Variants in HS6ST3 observed in about 807,000 individuals in gnomAD.
HS6ST3 encodes the protein heparan-sulfate 6-O-sulfotransferase 3.
Under a neutral mutation model 36.7 loss-of-function variants are expected in HS6ST3, and 12 were observed. The ratio of observed to expected loss-of-function variants is 0.33; its 90% CI spans 0.21 to 0.53. HS6ST3 has a LOEUF of 0.53. Ranked by LOEUF, HS6ST3 falls within the 20% of genes least tolerant of loss-of-function variation. HS6ST3 has a pLI of 0.95. For missense variants in HS6ST3, 584 were observed against 640.9 expected, an observed-to-expected ratio of 0.91 and a Z score of 0.96; for synonymous variants, 240 against 257.5, an observed-to-expected ratio of 0.93 and a Z score of 0.65.
At chr13:96,105,984 C>T (rs979207211) in intron 1 of HS6ST3, among the ~76,000 whole-genome samples, 1 of 152,066 alleles carries the variant, frequency 6.6e-6, no homozygotes, top group Non-Finnish European at 1.5e-5. Context: ...CAGTAATGAA[C>T]AAGGCAGGCA....
chr13:96,124,855 A>G (rs1199312638), intron 1 of HS6ST3, among the ~76,000 whole-genome samples: 1 of 152,232 alleles, frequency 6.6e-6, no homozygotes, highest in African/African-American at 2.4e-5. Flanking sequence ...TAGACGTTTA[A>G]GGTATGGTAT....
intron 1 of HS6ST3, among the ~76,000 whole-genome samples, chr13:96,150,912 A>G (rs1013535493): frequency 1.3e-5 from 2 of 152,226 alleles, no homozygotes; most frequent in African/African-American, 4.8e-5. Flanking sequence ...GTGAATAAAC[A>G]TATATGTCTA....
chr13:96,398,143 G>A (rs1316321328), intron 1 of HS6ST3, among the ~76,000 whole-genome samples: 6 of 152,090 alleles, frequency 3.9e-5, no homozygotes, highest in Non-Finnish European at 7.4e-5. Context: ...ATATAATAAT[G>A]TGTGCAAAGC....
At chr13:96,200,728 G>A (rs565766499) in intron 1 of HS6ST3, among the ~76,000 whole-genome samples, 1 of 152,290 alleles carries the variant, frequency 6.6e-6, no homozygotes, top group African/African-American at 2.4e-5. Flanking sequence ...CAGGTACCTA[G>A]AACAATGCCC....
chr13:96,815,928 C>A (rs1404833971), intron 1 of HS6ST3, among the ~76,000 whole-genome samples: 1 of 152,200 alleles, frequency 6.6e-6, no homozygotes, highest in Non-Finnish European at 1.5e-5. Context: ...AATGCCTGTC[C>A]ATCTCCTTCA....
chr13:96,122,925 A>T (rs896276833), intron 1 of HS6ST3, among the ~76,000 whole-genome samples: 25 of 151,826 alleles, frequency 1.6e-4, no homozygotes, highest in African/African-American at 5.8e-4. Context: ...TTTTGTCTGT[A>T]TTTTTTTTGG....
intron 1 of HS6ST3, among the ~76,000 whole-genome samples, chr13:96,722,780 T>C (rs1875880916): frequency 6.6e-6 from 1 of 152,110 alleles, no homozygotes; most frequent in African/African-American, 2.4e-5. Flanking sequence ...AGTTCAAGAC[T>C]AGTCTCAGCA....
At chr13:96,198,729 C>G (rs1354208678) in intron 1 of HS6ST3, among the ~76,000 whole-genome samples, 1 of 152,188 alleles carries the variant, frequency 6.6e-6, no homozygotes, top group Admixed American at 6.5e-5. Flanking sequence ...GTCCATATTG[C>G]TATCAGCATT....
intron 1 of HS6ST3, among the ~76,000 whole-genome samples, chr13:96,571,718 A>G (rs2056301669): frequency 6.6e-6 from 1 of 152,174 alleles, no homozygotes; most frequent in Non-Finnish European, 1.5e-5. Flanking sequence ...TTTCCTTGAC[A>G]TTATAATGGT....
intron 1 of HS6ST3, among the ~76,000 whole-genome samples, chr13:96,223,675 G>A (rs932769840): frequency 2.2e-4 from 34 of 151,880 alleles, no homozygotes; most frequent in Middle Eastern, 3.2e-3. Flanking sequence ...AGTTTTTGTC[G>A]TTTTTTATTT....
chr13:96,450,189 C>A (rs1415391927), intron 1 of HS6ST3, among the ~76,000 whole-genome samples: 2 of 152,096 alleles, frequency 1.3e-5, no homozygotes, highest in Non-Finnish European at 2.9e-5. Flanking sequence ...ATGGGTAGTT[C>A]TTATAAATGA....
chr13:96,299,552 T>C (rs777070133), intron 1 of HS6ST3, among the ~76,000 whole-genome samples: 4 of 152,066 alleles, frequency 2.6e-5, no homozygotes, highest in Non-Finnish European at 4.4e-5. Context: ...AAAAGCACAA[T>C]AGCATGAGAG....
At chr13:96,274,839 TCACACACACACACA>T (rs60430769) in intron 1 of HS6ST3, among the ~76,000 whole-genome samples, 3,792 of 126,124 alleles carry the variant, frequency 0.03, 68 homozygotes, top group Middle Eastern at 0.047. Context: ...ACTTAGTCCT[TCACACACACACACA>T]CACACACACA....
chr13:96,256,355 TC>T (rs1222766094), intron 1 of HS6ST3, among the ~76,000 whole-genome samples: 1 of 152,216 alleles, frequency 6.6e-6, no homozygotes, highest in Non-Finnish European at 1.5e-5. Context: ...TTCAACAGTG[TC>T]CGATTTATTA....
At chr13:96,732,093 A>G (rs1019721799) in intron 1 of HS6ST3, among the ~76,000 whole-genome samples, 2 of 152,170 alleles carry the variant, frequency 1.3e-5, no homozygotes, top group African/African-American at 2.4e-5. Context: ...TTTTGAAAAT[A>G]TCCATTCTAA....
rs17686530 is a variant in HS6ST3 at position 96,401,300 on chromosome 13, C to T, written c.707+309731C>T. ...GAAACTGTGTCCAGCCCTCTACACCCTTCAAGTTGATGTCAATACAAACTT... is the reference window on the plus strand; with the variant it reads ...GAAACTGTGTCCAGCCCTCTACACCTTTCAAGTTGATGTCAATACAAACTT... On this transcript the variant is annotated intron_variant, in intron 1 of 1. Transcript: ENST00000376705. Among the ~76,000 whole-genome samples the T allele has an allele frequency of 9.2e-3, 1,392 of 151,594 alleles. 9 individuals are homozygous for T. The highest frequency in any genetic ancestry group is 0.015 in the Non-Finnish European group (1,037 of 67,926).
intron 1 of HS6ST3, among the ~76,000 whole-genome samples, chr13:96,229,884 G>T (rs1467723355): frequency 6.6e-6 from 1 of 152,176 alleles, no homozygotes; most frequent in South Asian, 2.1e-4. Context: ...TGCTTGGAAG[G>T]TTAGGGCAAG....
At chr13:96,328,102 G>A (rs1467123097) in intron 1 of HS6ST3, among the ~76,000 whole-genome samples, 1 of 144,816 alleles carries the variant, frequency 6.9e-6, no homozygotes, top group Non-Finnish European at 1.5e-5. Context: ...GGGTTTTCTA[G>A]ATATACAATC....
intron 1 of HS6ST3, among the ~76,000 whole-genome samples, chr13:96,430,038 A>G (rs1458989687): frequency 6.6e-6 from 1 of 152,198 alleles, no homozygotes; most frequent in African/African-American, 2.4e-5. Flanking sequence ...CTATGCTTTC[A>G]CAATTTGATT....
Sources: gnomAD v4.1 joint callset for allele counts (sites outside exome capture counted in the v4.1 genomes callset) on GRCh38, gnomAD v4.1.1 for gene constraint, MANE v1.5 for transcripts, NCBI Gene and HGNC (gene_info 2026-07-23, HGNC 2026-07-21) for gene names.